The following TROAP variants were observed in gnomAD, a reference collection of about 807,000 sequenced individuals.
The protein encoded by TROAP is trophinin associated protein.
In TROAP, 62 loss-of-function variants were observed where a neutral mutation model predicts 83.4. The observed-to-expected ratio is 0.74, with a 90% CI of 0.61 to 0.92. TROAP has a LOEUF of 0.92. Ranked by LOEUF, TROAP falls within the 40% of genes least tolerant of loss-of-function variation. The probability of loss-of-function intolerance (pLI) is 0.00; values close to 1 mark genes in which losing one functional copy is unlikely to be tolerated. For missense variants in TROAP, 876 were observed against 985.1 expected (o/e 0.89, Z 1.48); for synonymous variants, 352 against 386.4 (o/e 0.91, Z 1.04).
chr12:49,323,716 A>G lies in TROAP; in HGVS notation c.108A>G (p.Thr36=), dbSNP rs763238659. ...AACGCACGCCTTTCCCCACTGTTAC[A>G]TCGTGCGCCGTGGACCAGGAGAACC... is the stretch of plus-strand genomic sequence containing the variant. ...SQKRTPFPTV[T]SCAVDQENQD... The change falls in exon 2 of 15, where the codon ACA becomes ACG. Residue 36 remains threonine, a synonymous_variant. Coordinates refer to ENST00000257909, the MANE Select transcript of TROAP (RefSeq NM_005480.4). 6.2e-7 allele frequency: 1 copy of G among 1,614,094 alleles called. No individual in the cohort carries two copies.
In TROAP at chr12:49,324,445, C is replaced by A. The variant is rs565066731; in HGVS notation, c.337+408C>A. ...TGCTCTGTGTTCTCCTAATACTTTG[C>A]AGCACTTCTTTTATAACATGTATAT... On this transcript the variant is annotated intron_variant, in intron 3 of 14. Coordinates refer to ENST00000257909, the MANE Select transcript of TROAP (RefSeq NM_005480.4). 8 of 412,894 alleles carry A rather than the reference C, an allele frequency of 1.9e-5. No homozygotes were observed. In the South Asian group the frequency reaches 4.0e-4, roughly 21 times the overall value. 25.6% of individuals were successfully genotyped at this position (412,894 alleles called of 1,614,324 possible).
In TROAP at chr12:49,323,838, C is replaced by A; in HGVS notation, c.145-7C>A. 1 of 1,614,000 alleles carries A rather than the reference C, an allele frequency of 6.2e-7. No individual in the cohort carries two copies. Among genetic ancestry groups the A allele is most frequent in the Non-Finnish European group, 8.5e-7 (1 of 1,179,996 alleles). On this transcript the variant is annotated splice_polypyrimidine_tract_variant and splice_region_variant and intron_variant, in intron 2 of 14. Coordinates refer to ENST00000257909, the MANE Select transcript of TROAP (RefSeq NM_005480.4). ...CCTCACCTTTTTGTCCCCGCTCCCT[C>A]CCCTAGAGATGGGTGCAGAAACCAC...
At position 49,330,131 on chromosome 12, in the gene TROAP, C is replaced by G. The variant is rs1298958164; in HGVS notation, c.1300-14C>G. On this transcript the variant is annotated splice_polypyrimidine_tract_variant and intron_variant, in intron 12 of 14. Transcript: ENST00000257909. ...CATCTTGATGTCACACTGGGGTGCT[C>G]TCTCCCACCACAGCGCATCGGTATC... is the stretch of plus-strand genomic sequence containing the variant. 3 of 1,611,656 alleles carry G rather than the reference C, an allele frequency of 1.9e-6. No individual in the cohort carries two copies. The highest frequency in any genetic ancestry group is 1.7e-6 in the Non-Finnish European group (2 of 1,178,644).
In TROAP at chr12:49,330,790, C is replaced by G. The variant is rs755052424; in HGVS notation, c.1945C>G (p.Leu649Val). 1.9e-5 allele frequency: 30 copies of G among 1,613,946 alleles called. No individual in the cohort carries two copies. The South Asian group carries it at 3.3e-4, about 18-fold the overall frequency. The change falls in exon 13 of 15, where the codon CTG becomes GTG. Residue 649 changes from leucine to valine, a missense_variant. Leu to Val is a conservative substitution (Grantham distance 32). This residue lies in a region of TROAP where 184 missense variants were observed against 238.3 expected (regional missense o/e 0.77). Transcript: ENST00000257909. ...VELGASEPCT[L>V]EHRSLESSLP... ...GCTGGGGGCATCAGAGCCCTGCACC[C>G]TGGAACATAGAAGTCTAGAGTCCAG...
chr12:49,329,775 A>T lies in TROAP; in HGVS notation c.1165-82A>T, dbSNP rs551419005. ...GCCTCTCAGTTAGGGGCTTCAATCCATTCCTCATGAGGGTGGGACTCAGGC... is the reference window on the plus strand; with the variant it reads ...GCCTCTCAGTTAGGGGCTTCAATCCTTTCCTCATGAGGGTGGGACTCAGGC... On this transcript the variant is annotated intron_variant, in intron 11 of 14. Coordinates refer to ENST00000257909, the MANE Select transcript of TROAP (RefSeq NM_005480.4). The surrounding 1 kb of genome is among the most constrained non-coding windows in gnomAD (Gnocchi z 4.5). 30 of 1,553,670 alleles carry T rather than the reference A, an allele frequency of 1.9e-5. No individual in the cohort carries two copies. In the African/African-American group the frequency reaches 3.6e-4, roughly 18 times the overall value.
chr12:49,323,860 C>T lies in TROAP; in HGVS notation c.160C>T (p.Pro54Ser), dbSNP rs570036319. Residue 54 changes from proline (P) to serine (S), a missense_variant, in exon 3 of 15, where the codon CCA (proline) becomes TCA (serine). Physicochemically the swap from Pro to Ser is moderately conservative, Grantham distance 74 (BLOSUM62 -1). Coordinates refer to ENST00000257909, the MANE Select transcript of TROAP (RefSeq NM_005480.4). Reference protein sequence around the residue: ...NQDPRRWVQKPPLNIQRPLVD... With the variant: ...NQDPRRWVQKSPLNIQRPLVD... ...CCTCCCCTAGAGATGGGTGCAGAAA[C>T]CACCGCTCAATATTCAACGCCCCCT... is the stretch of plus-strand genomic sequence containing the variant. The T allele has an allele frequency of 1.9e-6, 3 of 1,614,040 alleles. No individual in the cohort carries two copies. The highest frequency in any genetic ancestry group is 2.7e-5 in the African/African-American group (2 of 75,046).
chr12:49,327,393 C>A, intron 8 of TROAP, 63 bp downstream of exon 8: 1 of 1,588,742 alleles, frequency 6.3e-7, no homozygotes, highest in South Asian at 1.1e-5. Context: ...AAGAATTTTG[C>A]TGCAGCAGCC....
Position 49,329,861 on chromosome 12 carries a change from A to G in TROAP, c.1169A>G (p.Gln390Arg). 2 of 1,613,834 alleles carry G rather than the reference A, an allele frequency of 1.2e-6. No homozygotes were observed. The highest frequency in any genetic ancestry group is 1.3e-5 in the African/African-American group (1 of 75,002). Residue 390 changes from glutamine to arginine, a missense_variant, in exon 12 of 15, where the codon CAG becomes CGG. Physicochemically the swap from Gln to Arg is conservative, Grantham distance 43. Around this residue, in one of 3 missense-constraint regions of TROAP, gnomAD observed 689 missense variants for 722.6 expected, o/e 0.95. Transcript: ENST00000257909. This position sits in a 1 kb window ranked among gnomAD's most constrained non-coding sequence, Gnocchi z 4.5. ...CSEDPALPWEQVAVRLFDQES... is the reference protein window; with the variant it reads ...CSEDPALPWERVAVRLFDQES... ...TGCCTTGTTCCTTGGTGACAGGAGC[A>G]GGTTGCCGTCCGGTTGTTTGACCAG...
At chr12:49,328,226 T>G (rs1251046798) in intron 8 of TROAP, among the ~76,000 whole-genome samples, 1 of 142,146 alleles carries the variant, frequency 7.0e-6, no homozygotes, top group African/African-American at 2.6e-5. Context: ...TTTTTTTTTT[T>G]TTTTTTTTTT....
Position 49,330,691 on chromosome 12 carries a change from C to G in TROAP, c.1846C>G (p.Pro616Ala). 5 of 1,614,104 alleles carry G rather than the reference C, an allele frequency of 3.1e-6. No homozygotes were observed. The highest frequency in any genetic ancestry group is 1.7e-5 in the Admixed American group (1 of 60,024). ...EQLEVPEPCP[P>A]AEPGPLQPST... ...GCTTGAGGTACCTGAGCCCTGCCCT[C>G]CAGCAGAACCCGGGCCCCTTCAGCC... The change falls in exon 13 of 15, where the codon CCA (proline) becomes GCA (alanine). Residue 616 changes from proline to alanine, a missense_variant. Physicochemically the swap from Pro to Ala is conservative, Grantham distance 27. Transcript: ENST00000257909.
At chr12:49,331,170 G>A in intron 13 of TROAP, 44 bp from the exon 14 acceptor site, 1 of 1,611,454 alleles carries the variant, frequency 6.2e-7, no homozygotes, top group Non-Finnish European at 8.5e-7. Context: ...CATGGTGGAA[G>A]TATAGGACCC....
chr12:49,329,197 C>T lies in TROAP; in HGVS notation c.1057C>T (p.Pro353Ser), dbSNP rs759108377. 1.5e-5 allele frequency: 25 copies of T among 1,614,198 alleles called. No homozygotes were observed. Among genetic ancestry groups the T allele is most frequent in the Non-Finnish European group, 2.1e-5 (25 of 1,180,040 alleles). The change falls in exon 10 of 15, where the codon CCT becomes TCT. Residue 353 changes from proline (P) to serine (S), a missense_variant. By Grantham distance (74) the Pro-to-Ser change is moderately conservative. This residue lies in a region of TROAP where 689 missense variants were observed against 722.6 expected (regional missense o/e 0.95). Transcript: ENST00000257909. The surrounding 1 kb of genome is among the most constrained non-coding windows in gnomAD (Gnocchi z 4.5). ...YSVLRRLTVQ[P>S]KTRFTPMPST... ...AGTGTTGCGGCGTCTCACCGTTCAA[C>T]CTAAAACCCGGTTCACACCCATGCC...
chr12:49,327,332 T>G lies in TROAP; in HGVS notation c.891+2T>G. Reference sequence around the variant, plus strand: ...AACCGAGAAATGTCACATACCAGGGTGAGATGCGACTCTCCTGGGATGGTG... The same window carrying G: ...AACCGAGAAATGTCACATACCAGGGGGAGATGCGACTCTCCTGGGATGGTG... On this transcript the variant is annotated splice_donor_variant, in intron 8 of 14. Transcript: ENST00000257909. LOFTEE classifies it high-confidence loss of function. 2 of 1,613,342 alleles carry G rather than the reference T, an allele frequency of 1.2e-6. No homozygotes were observed. The highest frequency in any genetic ancestry group is 1.7e-6 in the Non-Finnish European group (2 of 1,179,680).
chr12:49,329,680 G>GAA lies in TROAP; in HGVS notation c.1165-175_1165-174dup. 1 of 1,127,824 alleles carries GAA rather than the reference G, an allele frequency of 8.9e-7. No homozygotes were observed. The highest frequency in any genetic ancestry group is 1.3e-6 in the Non-Finnish European group (1 of 785,476). The allele number at this position is 1,127,824 out of a possible 1,614,324, so 69.9% of individuals were successfully genotyped here. On this transcript the variant is annotated intron_variant, in intron 11 of 14. Coordinates refer to ENST00000257909, the MANE Select transcript of TROAP (RefSeq NM_005480.4). The surrounding 1 kb of genome is among the most constrained non-coding windows in gnomAD (Gnocchi z 4.5). The stretch of plus-strand genomic sequence containing the variant: ...GTCTCCACTAAAATTTTAAAAATTA[G>GAA]AAAGTGCTCTCTGGAAAAGCTGCCT...
chr12:49,329,972 T>G lies in TROAP; in HGVS notation c.1280T>G (p.Leu427Arg), dbSNP rs1437148281. The change falls in exon 12 of 15, where the codon CTC becomes CGC. Residue 427 changes from leucine (L) to arginine (R), a missense_variant. By Grantham distance (102) the Leu-to-Arg change is moderately radical. Coordinates refer to ENST00000257909, the MANE Select transcript of TROAP (RefSeq NM_005480.4). This position sits in a 1 kb window ranked among gnomAD's most constrained non-coding sequence, Gnocchi z 4.5. ...CCCCACTCTAACAGAACCCCCAGCC[T>G]CCAGGAGGTGAAGATTCAAGTGAGT... ...SGPHSNRTPS[L>R]QEVKIQRIGI... 2 of 1,614,076 alleles carry G rather than the reference T, an allele frequency of 1.2e-6. No individual in the cohort carries two copies. The highest frequency in any genetic ancestry group is 8.5e-7 in the Non-Finnish European group (1 of 1,179,988).
chr12:49,330,562 G>T lies in TROAP; in HGVS notation c.1717G>T (p.Glu573Ter), dbSNP rs1164196477. 1 of 1,613,868 alleles carries T rather than the reference G, an allele frequency of 6.2e-7. No individual in the cohort carries two copies. Among genetic ancestry groups the T allele is most frequent in the African/African-American group, 1.3e-5 (1 of 74,842 alleles). The change falls in exon 13 of 15, where the codon GAA (glutamate) becomes TAA (stop). Residue 573 changes from glutamate to a stop codon, truncating the protein, a stop_gained. Transcript: ENST00000257909. LOFTEE classifies it high-confidence loss of function. Reference protein sequence around the residue: ...EPEIPESSRQEQLEVPEPCPP... With the variant: ...EPEIPESSRQ ...TGAGATACCGGAGTCCTCTCGCCAGGAACAGCTTGAGGTACCTGAGCCCTG... is the reference window on the plus strand; with the variant it reads ...TGAGATACCGGAGTCCTCTCGCCAGTAACAGCTTGAGGTACCTGAGCCCTG...
At chr12:49,325,153 AGGT>A (rs1452016533) in intron 3 of TROAP, among the ~76,000 whole-genome samples, 3 of 151,724 alleles carry the variant, frequency 2.0e-5, no homozygotes, top group Non-Finnish European at 4.4e-5. Flanking sequence ...TCCTGACCTC[AGGT>A]GATCCACCTG....
chr12:49,323,556 A>T, intron 1 of TROAP, 48 bp from the exon 2 acceptor site: 3 of 1,595,346 alleles, frequency 1.9e-6, no homozygotes, highest in Non-Finnish European at 2.6e-6. Context: ...GAACTGGTTG[A>T]TCTTTGATCT....
rs201695022 is a variant in TROAP at position 49,329,235 on chromosome 12, A to G, written c.1095A>G (p.Arg365=). The part of the protein sequence containing the change: ...TRFTPMPSTP[R]VQQAQWLRGV... The stretch of plus-strand genomic sequence containing the variant: ...TCACACCCATGCCATCAACCCCCAG[A>G]GTTCAGCAGGTAAGAGAGGGCATGG... Residue 365 remains arginine (R), a synonymous_variant, in exon 10 of 15, where the codon AGA becomes AGG. Coordinates refer to ENST00000257909, the MANE Select transcript of TROAP (RefSeq NM_005480.4). The surrounding 1 kb of genome is among the most constrained non-coding windows in gnomAD (Gnocchi z 4.5). 2 of 1,614,224 alleles carry G rather than the reference A, an allele frequency of 1.2e-6. No homozygotes were observed. Among genetic ancestry groups the G allele is most frequent in the East Asian group, 2.2e-5 (1 of 44,878 alleles).
Sources: gnomAD v4.1 joint callset for allele counts (sites outside exome capture counted in the v4.1 genomes callset) on GRCh38, gnomAD v4.1.1 for gene constraint, gnomAD v4.1.1 regional missense constraint, Gnocchi (gnomAD v3.1) non-coding constraint, MANE v1.5 for transcripts, NCBI Gene and HGNC (gene_info 2026-07-23, HGNC 2026-07-21) for gene names.